NRL: variants seen among roughly 807,000 people sequenced by gnomAD.
NRL encodes neural retina-specific leucine zipper protein.
In NRL, 16 loss-of-function variants were observed where a neutral mutation model predicts 12.5. That is an observed-to-expected ratio of 1.28 (90% CI 0.87 to 1.95). NRL has a LOEUF of 1.95. NRL is among the 30% of genes most tolerant of loss of function. NRL has a pLI of 0.00. For missense variants in NRL, 314 were observed against 325.8 expected (o/e 0.96, Z 0.28); for synonymous variants, 142 against 150.9 (o/e 0.94, Z 0.43).
chr14:24,098,337 C>T (rs757661188), intron 1 of NRL: 2 of 1,613,796 alleles, frequency 1.2e-6, no homozygotes, highest in Non-Finnish European at 1.7e-6. Context: ...TGGATGTCCC[C>T]AGCTGATTTC....
In NRL at chr14:24,085,406, C is replaced by T. The variant is rs2036440844; in HGVS notation, c.-27-2531G>A. Among the ~76,000 whole-genome samples, 1 of 152,176 alleles carries T rather than the reference C, an allele frequency of 6.6e-6. No homozygotes were observed. The highest frequency in any genetic ancestry group is 1.5e-5 in the Non-Finnish European group (1 of 68,034). On this transcript the variant is annotated intron_variant, in intron 1 of 2. Coordinates refer to ENST00000561028, the MANE Select transcript of NRL (RefSeq NM_001354768.3). The surrounding 1 kb of genome is among the most constrained non-coding windows in gnomAD (Gnocchi z 4.1). Reference sequence around the variant, plus strand: ...CTTTTCCCTGTGTGTGTCTCTGCCCCTCTCTCCTCTCTCACTCATTCTAGT... The same window carrying T: ...CTTTTCCCTGTGTGTGTCTCTGCCCTTCTCTCCTCTCTCACTCATTCTAGT...
Position 24,082,516 on chromosome 14 carries a change from A to T in NRL, c.333T>A (p.His111Gln), listed in dbSNP as rs773461686. The T allele has an allele frequency of 6.2e-7, 1 of 1,613,218 alleles. No individual in the cohort carries two copies. Among genetic ancestry groups the T allele is most frequent in the South Asian group, 1.1e-5 (1 of 91,080 alleles). Residue 111 changes from histidine to glutamine, a missense_variant, in exon 2 of 3, where the codon CAT becomes CAA. Transcript: ENST00000561028. ...CCTCTGGGCTCCCTGGGTAGTAGCCATGGGGCCCATCAACAGGGACTGGGC... is the reference window on the plus strand; with the variant it reads ...CCTCTGGGCTCCCTGGGTAGTAGCCTTGGGGCCCATCAACAGGGACTGGGC... ...GQGPVPVDGP[H>Q]GYYPGSPEET...
chr14:24,091,935 A>T (rs964349791), intron 1 of NRL, among the ~76,000 whole-genome samples: 3 of 152,134 alleles, frequency 2.0e-5, no homozygotes, highest in Non-Finnish European at 4.4e-5. Context: ...GCGGCATTTG[A>T]CCTTTGATTT....
chr14:24,085,896 C>A lies in NRL; in HGVS notation c.-27-3021G>T, dbSNP rs962763851. Among the ~76,000 whole-genome samples the A allele has an allele frequency of 1.3e-5, 2 of 152,204 alleles. No homozygotes were observed. The highest frequency in any genetic ancestry group is 4.8e-5 in the African/African-American group (2 of 41,452). On this transcript the variant is annotated intron_variant, in intron 1 of 2. Coordinates refer to ENST00000561028, the MANE Select transcript of NRL (RefSeq NM_001354768.3). This position sits in a 1 kb window ranked among gnomAD's most constrained non-coding sequence, Gnocchi z 4.1. ...AACTCCGGGGGTGGGGCCCAGAAAT[C>A]TGTGTTTTAAGGCCCTTCCAGCAAG...
intron 1 of NRL, chr14:24,103,459 C>CT: frequency 6.7e-7 from 1 of 1,486,074 alleles, no homozygotes; most frequent in Non-Finnish European, 9.1e-7. Context: ...GGGTGCCCTT[C>CT]CCTACCCCAG....
chr14:24,081,796 G>C lies in NRL; in HGVS notation c.382-228C>G. On this transcript the variant is annotated intron_variant, in intron 2 of 2. Coordinates refer to ENST00000561028, the MANE Select transcript of NRL (RefSeq NM_001354768.3). The surrounding 1 kb of genome is among the most constrained non-coding windows in gnomAD (Gnocchi z 4.4). ...TGCTCCAGTCAGGCGGGCGCCCCAC[G>C]GTGCAGGGCCGGCCACGGTCAGGCG... is the stretch of plus-strand genomic sequence containing the variant. The C allele has an allele frequency of 6.7e-7, 1 of 1,494,242 alleles. No individual in the cohort carries two copies. Among genetic ancestry groups the C allele is most frequent in the Non-Finnish European group, 8.9e-7 (1 of 1,126,776 alleles). The allele number at this position is 1,494,242 out of a possible 1,614,324, so 92.6% of individuals were successfully genotyped here.
Position 24,094,279 on chromosome 14 carries a change from T to C in NRL, c.-27-11404A>G. Reference sequence around the variant, plus strand: ...GGTTCCGCCCCCGCGCCTGCCCCCCTCCTTTTTAAGCGCCTCCCGCCAGCC... The same window carrying C: ...GGTTCCGCCCCCGCGCCTGCCCCCCCCCTTTTTAAGCGCCTCCCGCCAGCC... On this transcript the variant is annotated intron_variant, in intron 1 of 2. Coordinates refer to ENST00000561028, the MANE Select transcript of NRL (RefSeq NM_001354768.3). This position sits in a 1 kb window ranked among gnomAD's most constrained non-coding sequence, Gnocchi z 4.1. The C allele has an allele frequency of 1.1e-6, 1 of 899,000 alleles. No homozygotes were observed. Among genetic ancestry groups the C allele is most frequent in the Non-Finnish European group, 1.7e-6 (1 of 592,240 alleles). 55.7% of individuals were successfully genotyped at this position (899,000 alleles called of 1,614,324 possible).
At chr14:24,091,118 CCTGT>C (rs200048933) in intron 1 of NRL, among the ~76,000 whole-genome samples, 2,142 of 119,852 alleles carry the variant, frequency 0.018, 52 homozygotes, top group African/African-American at 0.063. Context: ...ACAGAAAAGG[CCTGT>C]GTGTGTGTGT....
chr14:24,082,875 C>T lies in NRL; in HGVS notation c.-27G>A. The T allele has an allele frequency of 6.2e-7, 1 of 1,601,502 alleles. No homozygotes were observed. Among genetic ancestry groups the T allele is most frequent in the Non-Finnish European group, 8.5e-7 (1 of 1,172,818 alleles). ...CTGGAGCTGGGCTGGGAGGAGTGCA[C>T]CTGCAAAGAGGAGGAGAGGTCTGGA... On this transcript the variant is annotated splice_region_variant and 5_prime_UTR_variant, in exon 2 of 3. The change creates a new upstream start codon in the 5' untranslated region. Coordinates refer to ENST00000561028, the MANE Select transcript of NRL (RefSeq NM_001354768.3).
intron 1 of NRL, chr14:24,098,713 G>A (rs1389240582): frequency 6.4e-7 from 1 of 1,571,856 alleles, no homozygotes; most frequent in Admixed American, 1.7e-5. Context: ...GGAACACAGA[G>A]GCCTTCTTGT....
At chr14:24,102,732 T>C (rs755717442) in intron 1 of NRL, 6 of 1,604,890 alleles carry the variant, frequency 3.7e-6, no homozygotes, top group Non-Finnish European at 8.5e-7. Context: ...GAAATAATAG[T>C]GTTTGTATTT....
rs967821956 is a variant in NRL, at chr14:24,096,777, C to T, written c.-27-13902G>A. On this transcript the variant is annotated intron_variant, in intron 1 of 2. Coordinates refer to ENST00000561028, the MANE Select transcript of NRL (RefSeq NM_001354768.3). ...CCAACTGCAACCTGCTCTTCATGGT[C>T]CCTGCATGCAGACATGTTTTAGCAG... is the stretch of plus-strand genomic sequence containing the variant. 3.6e-5 allele frequency: 31 copies of T among 853,822 alleles called. No individual in the cohort carries two copies. In the Admixed American group the frequency reaches 5.8e-4, roughly 16 times the overall value. The allele number at this position is 853,822 out of a possible 1,614,324, so 52.9% of individuals were successfully genotyped here.
intron 1 of NRL, among the ~76,000 whole-genome samples, chr14:24,108,665 C>G (rs2037375143): frequency 6.6e-6 from 1 of 152,082 alleles, no homozygotes; most frequent in African/African-American, 2.4e-5. Flanking sequence ...ACATCTATAG[C>G]TCCTACCCTA....
At chr14:24,101,909 G>A (rs954067564) in intron 1 of NRL, among the ~76,000 whole-genome samples, 2 of 151,812 alleles carry the variant, frequency 1.3e-5, no homozygotes, top group African/African-American at 2.4e-5. Flanking sequence ...GTGAGACTCC[G>A]TCTCATAACT....
At chr14:24,108,035 C>T (rs536618384) in intron 1 of NRL, among the ~76,000 whole-genome samples, 10 of 152,296 alleles carry the variant, frequency 6.6e-5, no homozygotes, top group African/African-American at 2.4e-4. Flanking sequence ...CCACATTTGG[C>T]TATGGAAGCT....
chr14:24,087,474 G>A (rs1256555729), intron 1 of NRL, among the ~76,000 whole-genome samples: 1 of 151,954 alleles, frequency 6.6e-6, no homozygotes, highest in African/African-American at 2.4e-5. Context: ...GAAGAGGAAG[G>A]AGAGAAAATG....
At chr14:24,111,049 A>G (rs532117908) in intron 1 of NRL, among the ~76,000 whole-genome samples, 11 of 152,066 alleles carry the variant, frequency 7.2e-5, no homozygotes, top group African/African-American at 2.7e-4. Context: ...TGGAGCAATC[A>G]TGGCTCACTG....
Position 24,100,444 on chromosome 14 carries a change from C to T in NRL, c.-28+14278G>A, listed in dbSNP as rs559270954. 18 of 984,752 alleles carry T rather than the reference C, an allele frequency of 1.8e-5. No homozygotes were observed. The East Asian group carries it at 4.1e-4, about 22-fold the overall frequency. The allele number at this position is 984,752 out of a possible 1,614,324, so 61.0% of individuals were successfully genotyped here. On this transcript the variant is annotated intron_variant, in intron 1 of 2. Coordinates refer to ENST00000561028, the MANE Select transcript of NRL (RefSeq NM_001354768.3). ...CAACTTCCCTAAGCTTTAGTTTCCA[C>T]ATCAGTTGAATGAGGGTAGTTGTGA...
Position 24,081,872 on chromosome 14 carries a change from C to T in NRL, c.382-304G>A. The T allele has an allele frequency of 7.4e-7, 1 of 1,354,692 alleles. No homozygotes were observed. The highest frequency in any genetic ancestry group is 9.5e-7 in the Non-Finnish European group (1 of 1,049,362). 83.9% of individuals were successfully genotyped at this position (1,354,692 alleles called of 1,614,324 possible). ...GCTCGTCTCTGGGATCCCCGGCATCCAGCTCCAGGCCCGGGTGTGTCCAGT... is the reference window on the plus strand; with the variant it reads ...GCTCGTCTCTGGGATCCCCGGCATCTAGCTCCAGGCCCGGGTGTGTCCAGT... On this transcript the variant is annotated intron_variant, in intron 2 of 2. Transcript: ENST00000561028. The surrounding 1 kb of genome is among the most constrained non-coding windows in gnomAD (Gnocchi z 4.4).
Sources: allele counts gnomAD v4.1 joint callset (sites outside exome capture counted in the v4.1 genomes callset), GRCh38; gene constraint gnomAD v4.1.1; non-coding constraint Gnocchi (gnomAD v3.1); transcripts MANE v1.5; gene names NCBI Gene and HGNC (gene_info 2026-07-23, HGNC 2026-07-21).